The following ILDR1 variants were observed in gnomAD, a reference collection of about 807,000 sequenced individuals.
The protein encoded by ILDR1 is immunoglobulin-like domain-containing receptor 1.
A neutral mutation model predicts 62.4 loss-of-function variants in ILDR1; 56 were observed. The observed-to-expected ratio is 0.90, with a 90% CI of 0.72 to 1.12. The LOEUF (loss-of-function observed/expected upper bound fraction) is 1.12. Ranked by LOEUF, ILDR1 falls within the 50% of genes most tolerant of loss-of-function variation. ILDR1 has a pLI of 0.00. For synonymous variants in ILDR1, 284 were observed against 277.8 expected, an observed-to-expected ratio of 1.02 and a Z score of -0.22; for missense variants, 736 against 710.6, an observed-to-expected ratio of 1.04 and a Z score of -0.41.
chr3:122,037,766 G>A, the ILDR1 span, among the ~76,000 whole-genome samples: 1 of 152,130 alleles, frequency 6.6e-6, no homozygotes, highest in African/African-American at 2.4e-5. Context: ...AGAATGATAT[G>A]GTTTGGTTTT....
At chr3:122,018,408 G>C (rs2107679387) in intron 1 of ILDR1, among the ~76,000 whole-genome samples, 1 of 151,440 alleles carries the variant, frequency 6.6e-6, no homozygotes, top group East Asian at 1.9e-4. Flanking sequence ...GGGGGGGTAG[G>C]GGAGGGATAA....
intron 5 of ILDR1, among the ~76,000 whole-genome samples, chr3:121,998,801 G>A (rs992577322): frequency 6.6e-6 from 1 of 152,032 alleles, no homozygotes; most frequent in Non-Finnish European, 1.5e-5. Flanking sequence ...CATCCTCCAC[G>A]ACTTTTCCCC....
rs150780868 is a variant in ILDR1, at chr3:121,993,932, T to C, written c.817A>G (p.Thr273Ala). The change falls in exon 7 of 8, where the codon ACC (threonine) becomes GCC (alanine). Residue 273 changes from threonine to alanine, a missense_variant. Physicochemically the swap from Thr to Ala is moderately conservative, Grantham distance 58. Coordinates refer to ENST00000344209, the MANE Select transcript of ILDR1 (RefSeq NM_001199799.2). The part of the protein sequence containing the change: ...LPSSLPQMPM[T>A]QTTNQPPIAN... ...ATGGGAGGCTGATTGGTGGTCTGGGTCATTGGCATCTGCGGGAGGCTGGAC... is the reference window on the plus strand; with the variant it reads ...ATGGGAGGCTGATTGGTGGTCTGGGCCATTGGCATCTGCGGGAGGCTGGAC... The C allele has an allele frequency of 1.5e-5, 25 of 1,613,090 alleles. No homozygotes were observed. The African/African-American group carries it at 3.2e-4, about 21-fold the overall frequency.
chr3:122,022,824 A>C (rs866834952), upstream of ILDR1, among the ~76,000 whole-genome samples: 46 of 152,172 alleles, frequency 3.0e-4, no homozygotes, highest in African/African-American at 1.1e-3. Flanking sequence ...GAGGCCCGAG[A>C]GTTACTTGAA....
At chr3:121,994,735 T>A (rs947777426) in intron 5 of ILDR1, among the ~76,000 whole-genome samples, 1 of 152,096 alleles carries the variant, frequency 6.6e-6, no homozygotes, top group African/African-American at 2.4e-5. Context: ...ATGCTGTGAG[T>A]CAGGGGCTGG....
chr3:121,992,960 T>G (rs1470575348), intron 7 of ILDR1, among the ~76,000 whole-genome samples, 190 bp downstream of exon 7: 1 of 152,208 alleles, frequency 6.6e-6, no homozygotes, highest in African/African-American at 2.4e-5. Context: ...TCCCCTGCCC[T>G]CTGCACTCGC....
the ILDR1 span, among the ~76,000 whole-genome samples, chr3:122,041,982 T>C: frequency 2.3e-4 from 34 of 144,744 alleles, no homozygotes; most frequent in African/African-American, 7.9e-4. Context: ...TAGTTACATA[T>C]GTATACATGT....
intron 5 of ILDR1, among the ~76,000 whole-genome samples, chr3:121,995,300 G>A (rs186923865): frequency 5.0e-4 from 76 of 152,296 alleles, no homozygotes; most frequent in African/African-American, 1.8e-3. Context: ...TGTGAACGAG[G>A]TTAGGCCCCA....
At chr3:121,988,510 T>A in intron 7 of ILDR1, 102 bp from the exon 8 acceptor site, 1 of 940,508 alleles carries the variant, frequency 1.1e-6, no homozygotes, top group Non-Finnish European at 1.7e-6. Flanking sequence ...CCTAAGTGGG[T>A]GGTGGCTGCC....
At chr3:121,991,887 C>G (rs1406311011) in intron 7 of ILDR1, among the ~76,000 whole-genome samples, 1 of 152,200 alleles carries the variant, frequency 6.6e-6, no homozygotes, top group Non-Finnish European at 1.5e-5. Context: ...TCCTTCAAAG[C>G]CTGTGACAGA....
At chr3:122,028,395 T>A in the ILDR1 span, among the ~76,000 whole-genome samples, 2 of 150,802 alleles carry the variant, frequency 1.3e-5, no homozygotes, top group Non-Finnish European at 2.9e-5. Context: ...TACCCTCATA[T>A]CTTGTGTCAG....
intron 1 of ILDR1, among the ~76,000 whole-genome samples, chr3:122,010,489 C>A (rs558626143): frequency 3.0e-4 from 46 of 152,278 alleles, no homozygotes; most frequent in African/African-American, 1.1e-3. Context: ...GCTGTAGAGT[C>A]CCAGAAATCA....
At chr3:122,056,564 C>T in the ILDR1 span, among the ~76,000 whole-genome samples, 1 of 152,110 alleles carries the variant, frequency 6.6e-6, no homozygotes, top group East Asian at 1.9e-4. Flanking sequence ...GATCTCTTGA[C>T]CTTGTGATCT....
At chr3:122,045,815 T>C in the ILDR1 span, among the ~76,000 whole-genome samples, 1 of 149,996 alleles carries the variant, frequency 6.7e-6, no homozygotes, top group Non-Finnish European at 1.5e-5. Context: ...TGTGTGTCTC[T>C]GCACGTGAGA....
rs532810753 is a variant in ILDR1, at chr3:122,007,082, G to A, written c.138C>T (p.Asp46=). ...TLFASIILKC[D]YTTSAQLQDV... Reference sequence around the variant, plus strand: ...CCTGGAGCTGGGCAGAGGTGGTGTAGTCACATTTGAGGATGATAGAGGCAA... The same window carrying A: ...CCTGGAGCTGGGCAGAGGTGGTGTAATCACATTTGAGGATGATAGAGGCAA... The change falls in exon 2 of 8, where the codon GAC becomes GAT. Residue 46 remains aspartate (D), a synonymous_variant. Transcript: ENST00000344209. 2 of 1,614,146 alleles carry A rather than the reference G, an allele frequency of 1.2e-6. No individual in the cohort carries two copies. Among genetic ancestry groups the A allele is most frequent in the South Asian group, 2.2e-5 (2 of 91,080 alleles).
chr3:122,061,238 T>G, the ILDR1 span, among the ~76,000 whole-genome samples: 3 of 152,118 alleles, frequency 2.0e-5, no homozygotes, highest in African/African-American at 7.2e-5. Flanking sequence ...ACCCCAATAT[T>G]ACAACTATTT....
chr3:121,999,078 C>A (rs574176591), intron 5 of ILDR1, among the ~76,000 whole-genome samples: 3 of 152,310 alleles, frequency 2.0e-5, no homozygotes, highest in African/African-American at 7.2e-5. Context: ...AAAGTTAGTT[C>A]TCTTTTCCTG....
intron 1 of ILDR1, 116 bp downstream of exon 1, chr3:122,021,904 A>C: frequency 1.0e-6 from 1 of 980,516 alleles, no homozygotes; most frequent in East Asian, 2.7e-5. Context: ...GCCAAGCGCC[A>C]CCAGAGCGCG....
chr3:122,044,974 T>C, the ILDR1 span, among the ~76,000 whole-genome samples: 1 of 149,484 alleles, frequency 6.7e-6, no homozygotes, highest in Non-Finnish European at 1.5e-5. Context: ...TGAATGTGTT[T>C]GCTCTTGCTT....
Sources: allele counts gnomAD v4.1 joint callset (sites outside exome capture counted in the v4.1 genomes callset), GRCh38; gene constraint gnomAD v4.1.1; transcripts MANE v1.5; gene names NCBI Gene and HGNC (gene_info 2026-07-23, HGNC 2026-07-21).